Variants in COL11A2 observed in about 807,000 individuals in gnomAD.
COL11A2 encodes collagen alpha-2(XI) chain.
COL11A2 carries 116 observed loss-of-function variants against 273.4 expected under a neutral mutation model. The observed-to-expected ratio is 0.42, with a 90% CI of 0.36 to 0.49. The LOEUF (loss-of-function observed/expected upper bound fraction) is 0.49, where lower values mean the gene tolerates loss of function less well. COL11A2 is among the 20% of genes least tolerant of loss of function. The pLI is 0.00. For missense variants in COL11A2, 1,866 were observed against 2,309.0 expected (o/e 0.81, Z 3.93); for synonymous variants, 782 against 864.2 (o/e 0.90, Z 1.67).
intron 3 of COL11A2, among the ~76,000 whole-genome samples, chr6:33,188,757 T>G (rs1772725976): frequency 6.6e-6 from 1 of 152,232 alleles, no homozygotes; most frequent in Non-Finnish European, 1.5e-5. Context: ...GCTCAAAAAT[T>G]TTAAGTAACT....
intron 10 of COL11A2, 94 bp downstream of exon 10, chr6:33,180,870 G>T: frequency 6.4e-7 from 1 of 1,569,556 alleles, no homozygotes; most frequent in Non-Finnish European, 8.8e-7. Context: ...CGAGTTCTGA[G>T]GAGGAGGCCT....
At chr6:33,172,946 A>G (rs1770324263) in intron 38 of COL11A2, 114 bp downstream of exon 38, 6 of 1,161,172 alleles carry the variant, frequency 5.2e-6, no homozygotes, top group Non-Finnish European at 7.6e-6. Flanking sequence ...CATTGACCCC[A>G]GCCCCAGGAG....
In COL11A2 at chr6:33,173,595, G is replaced by T; in HGVS notation, c.2629-40C>A. 1 of 1,199,364 alleles carries T rather than the reference G, an allele frequency of 8.3e-7. No homozygotes were observed. The allele number at this position is 1,199,364 out of a possible 1,614,324, so 74.3% of individuals were successfully genotyped here. On this transcript the variant is annotated intron_variant, in intron 35 of 65. Transcript: ENST00000341947. This position sits in a 1 kb window ranked among gnomAD's most constrained non-coding sequence, Gnocchi z 6.3. The stretch of plus-strand genomic sequence containing the variant: ...GGGGGGAGTCAGGAGAATGGGGGCA[G>T]GGGCTGAGTGGGGGAACTCAGCTTC...
Position 33,166,861 on chromosome 6 carries a change from A to G in COL11A2, c.4231-34T>C. 1 of 1,606,348 alleles carries G rather than the reference A, an allele frequency of 6.2e-7. No homozygotes were observed. On this transcript the variant is annotated intron_variant, in intron 58 of 65. Coordinates refer to ENST00000341947, the MANE Select transcript of COL11A2 (RefSeq NM_080680.3). This position sits in a 1 kb window ranked among gnomAD's most constrained non-coding sequence, Gnocchi z 4.8. The stretch of plus-strand genomic sequence containing the variant: ...GGGTGCAGGCAGTCAAGAGAATGCA[A>G]AGAGGAGTCATGTGGATGGGGGAGA...
At chr6:33,168,074 C>T (rs1583296455) in intron 54 of COL11A2, among the ~76,000 whole-genome samples, 1 of 152,122 alleles carries the variant, frequency 6.6e-6, no homozygotes, top group African/African-American at 2.4e-5. Flanking sequence ...CACTTGCCCA[C>T]ACCCTACCTG....
chr6:33,176,255 T>C lies in COL11A2; in HGVS notation c.2214+4A>G. 5 of 1,607,944 alleles carry C rather than the reference T, an allele frequency of 3.1e-6. No homozygotes were observed. The highest frequency in any genetic ancestry group is 4.2e-6 in the Non-Finnish European group (5 of 1,177,508). ...TGCTGGGAAGCTGGGGGCATGGTGC[T>C]CACCTTCTCACCCTTATGACCCTTC... On this transcript the variant is annotated splice_donor_region_variant and intron_variant, in intron 28 of 65. Transcript: ENST00000341947. This position sits in a 1 kb window ranked among gnomAD's most constrained non-coding sequence, Gnocchi z 4.9.
rs1562306948 is a variant in COL11A2 at position 33,165,649 on chromosome 6, CA to C, written c.4649del (p.Leu1550ArgfsTer8). ...GCCTCATCTGCTCGATCTCCTCCCG[CA>C]GGGAGTCGAGTGAGCCAAAGATCTC... ...LEEIFGSLDS[L>X]REEIEQMRRP... On this transcript the variant is annotated frameshift_variant, in exon 63 of 66. Transcript: ENST00000341947. LOFTEE classifies it high-confidence loss of function. This position sits in a 1 kb window ranked among gnomAD's most constrained non-coding sequence, Gnocchi z 7.7. 2 of 1,612,682 alleles carry C rather than the reference CA, an allele frequency of 1.2e-6. No homozygotes were observed. Among genetic ancestry groups the C allele is most frequent in the Non-Finnish European group, 1.7e-6 (2 of 1,179,984 alleles).
rs546501809 is a variant in COL11A2 at position 33,170,727 on chromosome 6, G to A, written c.3474+83C>T. On this transcript the variant is annotated intron_variant, in intron 46 of 65. Coordinates refer to ENST00000341947, the MANE Select transcript of COL11A2 (RefSeq NM_080680.3). The surrounding 1 kb of genome is among the most constrained non-coding windows in gnomAD (Gnocchi z 4.3). The stretch of plus-strand genomic sequence containing the variant: ...CTCCGCAGGCCCTCCAGTCTGCATC[G>A]GCAGGCTGCTGGCAGAGTCTGGGGC... 4.3e-5 allele frequency: 68 copies of A among 1,580,130 alleles called. No individual in the cohort carries two copies. Among genetic ancestry groups the A allele is most frequent in the Middle Eastern group, 1.7e-4 (1 of 6,020 alleles).
Position 33,169,411 on chromosome 6 carries a change from G to A in COL11A2, c.3770C>T (p.Thr1257Ile), listed in dbSNP as rs1462307200. ...GTTCCCTTTGGGGCCATCATCGCCTGTGGGGCCTTTAGGCCCTGGTGGCCC... is the reference window on the plus strand; with the variant it reads ...GTTCCCTTTGGGGCCATCATCGCCTATGGGGCCTTTAGGCCCTGGTGGCCC... ...EPGPPGPKGP[T>I]GDDGPKGNPG... Residue 1257 changes from threonine (T) to isoleucine (I), a missense_variant, in exon 51 of 66, where the codon ACA (threonine) becomes ATA (isoleucine). Thr to Ile is a moderately conservative substitution (Grantham distance 89). Coordinates refer to ENST00000341947, the MANE Select transcript of COL11A2 (RefSeq NM_080680.3). The surrounding 1 kb of genome is among the most constrained non-coding windows in gnomAD (Gnocchi z 5.5). 1 of 1,612,824 alleles carries A rather than the reference G, an allele frequency of 6.2e-7. No individual in the cohort carries two copies. The highest frequency in any genetic ancestry group is 8.5e-7 in the Non-Finnish European group (1 of 1,180,022).
At position 33,179,104 on chromosome 6, in the gene COL11A2, A is replaced by G; in HGVS notation, c.1580T>C (p.Leu527Pro). 3.7e-6 allele frequency: 6 copies of G among 1,613,770 alleles called. No individual in the cohort carries two copies. The highest frequency in any genetic ancestry group is 5.1e-6 in the Non-Finnish European group (6 of 1,179,766). Residue 527 changes from leucine to proline, a missense_variant, in exon 16 of 66, where the codon CTC becomes CCC. By Grantham distance (98) the Leu-to-Pro change is moderately conservative (BLOSUM62 -3). Coordinates refer to ENST00000341947, the MANE Select transcript of COL11A2 (RefSeq NM_080680.3). This position sits in a 1 kb window ranked among gnomAD's most constrained non-coding sequence, Gnocchi z 6.4. ...CCCAGCCTTGCCAGGAGGGCCTGTG[A>G]GGCCCTGAGGTCCTCTGGGGCCCTG... Reference protein sequence around the residue: ...GPQGPRGPQGLTGPPGKAGRR... With the variant: ...GPQGPRGPQGPTGPPGKAGRR...
At position 33,174,198 on chromosome 6, in the gene COL11A2, G is replaced by T; in HGVS notation, c.2451C>A (p.Gly817=). ...CCTTCTCTCCACTGGCACCAGGAAA[G>T]CCAGGAAATCCTAGGGACCCCTGGT... The part of the protein sequence containing the change: ...QGPKGSLGFP[G]FPGASGEKGA... Residue 817 remains glycine, a synonymous_variant, in exon 32 of 66, where the codon GGC becomes GGA. Transcript: ENST00000341947. 6.3e-7 allele frequency: 1 copy of T among 1,577,234 alleles called. No individual in the cohort carries two copies.
Position 33,164,474 on chromosome 6 carries a change from C to A in COL11A2, c.4864-1G>T. ...AGCCCTCTGAGTCCACGTAAGAGAA[C>A]TGGAAGGAGAGAGAGGGCTGGCCTC... On this transcript the variant is annotated splice_acceptor_variant, in intron 64 of 65. Coordinates refer to ENST00000341947, the MANE Select transcript of COL11A2 (RefSeq NM_080680.3). LOFTEE classifies it high-confidence loss of function. The surrounding 1 kb of genome is among the most constrained non-coding windows in gnomAD (Gnocchi z 4.7). The A allele has an allele frequency of 6.5e-7, 1 of 1,539,262 alleles. No homozygotes were observed. Among genetic ancestry groups the A allele is most frequent in the South Asian group, 1.2e-5 (1 of 82,952 alleles).
Position 33,178,889 on chromosome 6 carries a change from C to A in COL11A2, c.1665+31G>T. 1 of 1,613,554 alleles carries A rather than the reference C, an allele frequency of 6.2e-7. No individual in the cohort carries two copies. The highest frequency in any genetic ancestry group is 8.5e-7 in the Non-Finnish European group (1 of 1,179,824). The stretch of plus-strand genomic sequence containing the variant: ...TGAGCCCAGCGTGGGCTGAAGGCTA[C>A]AGGCTTCAGGGAGGGGCCCAAGCCT... On this transcript the variant is annotated intron_variant, in intron 17 of 65. Transcript: ENST00000341947. The surrounding 1 kb of genome is among the most constrained non-coding windows in gnomAD (Gnocchi z 4.6).
Position 33,181,134 on chromosome 6 carries a change from C to G in COL11A2, c.1156G>C (p.Gly386Arg). The G allele has an allele frequency of 6.2e-7, 1 of 1,614,162 alleles. No individual in the cohort carries two copies. Among genetic ancestry groups the G allele is most frequent in the Non-Finnish European group, 8.5e-7 (1 of 1,180,014 alleles). ...HGPRGLKGEKGEPAVLEPGML... is the reference protein window; with the variant it reads ...HGPRGLKGEKREPAVLEPGML... ...ACAGGTTCCAACACTGCAGGCTCTC[C>G]TTTCTCTCCCTTCAGCCCTCGGGGT... is the stretch of plus-strand genomic sequence containing the variant. The change falls in exon 9 of 66, where the codon GGA becomes CGA. Residue 386 changes from glycine to arginine, a missense_variant. Coordinates refer to ENST00000341947, the MANE Select transcript of COL11A2 (RefSeq NM_080680.3).
In COL11A2 at chr6:33,190,700, C is replaced by T. The variant is rs1773001698; in HGVS notation, c.83-1231G>A. On this transcript the variant is annotated intron_variant, in intron 1 of 65. Coordinates refer to ENST00000341947, the MANE Select transcript of COL11A2 (RefSeq NM_080680.3). The surrounding 1 kb of genome is among the most constrained non-coding windows in gnomAD (Gnocchi z 4.5). ...CCTTCCCCCCCAACCCCCACCTAAG[C>T]CTGGCCCCTGCGCGTGTGGCAGCTC... Among the ~76,000 whole-genome samples, 1 of 152,246 alleles carries T rather than the reference C, an allele frequency of 6.6e-6. No individual in the cohort carries two copies. The highest frequency in any genetic ancestry group is 1.5e-5 in the Non-Finnish European group (1 of 68,008).
chr6:33,181,038 C>T, intron 9 of COL11A2, 33 bp from the exon 10 acceptor site: 2 of 1,614,200 alleles, frequency 1.2e-6, no homozygotes, highest in Middle Eastern at 1.6e-4. Context: ...TCAGAGGCGA[C>T]AGGACCAGCA....
At chr6:33,183,219 T>C (rs1402075635) in intron 8 of COL11A2, among the ~76,000 whole-genome samples, 2 of 152,106 alleles carry the variant, frequency 1.3e-5, no homozygotes, top group Non-Finnish European at 2.9e-5. Flanking sequence ...GAAGCAAGAA[T>C]GATGCCAGGG....
rs758138134 is a variant in COL11A2, at chr6:33,178,315, C to G, written c.1811G>C (p.Gly604Ala). The change falls in exon 20 of 66, where the codon GGA becomes GCA. Residue 604 changes from glycine to alanine, a missense_variant. Gly to Ala is a moderately conservative substitution (Grantham distance 60). Coordinates refer to ENST00000341947, the MANE Select transcript of COL11A2 (RefSeq NM_080680.3). The surrounding 1 kb of genome is among the most constrained non-coding windows in gnomAD (Gnocchi z 4.6). ...DGEIGPRGLPGESGPRGLLGP... is the reference protein window; with the variant it reads ...DGEIGPRGLPAESGPRGLLGP... ...CAGCCCTTGGACACTCACCGACTCT[C>G]CAGGCAGCCCTCGAGGCCCAATCTC... The G allele has an allele frequency of 6.2e-7, 1 of 1,612,946 alleles. No individual in the cohort carries two copies. Among genetic ancestry groups the G allele is most frequent in the Non-Finnish European group, 8.5e-7 (1 of 1,179,958 alleles).
chr6:33,193,267 C>A (rs1025795581), upstream of COL11A2, among the ~76,000 whole-genome samples: 1 of 151,884 alleles, frequency 6.6e-6, no homozygotes, highest in African/African-American at 2.4e-5. Context: ...CGGGTCTGCC[C>A]GGAGCCCGCA....
Sources: gnomAD v4.1 joint callset for allele counts (sites outside exome capture counted in the v4.1 genomes callset) on GRCh38, gnomAD v4.1.1 for gene constraint, Gnocchi (gnomAD v3.1) non-coding constraint, MANE v1.5 for transcripts, NCBI Gene and HGNC (gene_info 2026-07-23, HGNC 2026-07-21) for gene names.